MTUS2: variants seen among roughly 807,000 people sequenced by gnomAD.
The protein encoded by MTUS2 is microtubule associated scaffold protein 2.
A neutral mutation model predicts 114.1 loss-of-function variants in MTUS2; 40 were observed. The observed-to-expected ratio is 0.35, with a 90% CI of 0.27 to 0.46. The LOEUF is 0.46. Ranked by LOEUF, MTUS2 falls within the 20% of genes least tolerant of loss-of-function variation. The pLI, the probability that MTUS2 is intolerant of heterozygous loss-of-function variation, is 1.00. For missense variants in MTUS2, 1,679 were observed against 1,705.4 expected (o/e 0.98, Z 0.27); for synonymous variants, 688 against 672.0 (o/e 1.02, Z -0.37).
intron 8 of MTUS2, among the ~76,000 whole-genome samples, chr13:29,389,399 A>T (rs111216590): frequency 1.5e-5 from 1 of 67,982 alleles, no homozygotes; most frequent in Non-Finnish European, 2.8e-5. Context: ...GTGTGTGTAT[A>T]TATGTATACA....
chr13:28,958,567 C>T (rs1403392627), intron 2 of MTUS2, among the ~76,000 whole-genome samples: 1 of 152,204 alleles, frequency 6.6e-6, no homozygotes, highest in Non-Finnish European at 1.5e-5. Flanking sequence ...TGTCTGGTGT[C>T]TCAGGCTGCA....
At position 29,375,626 on chromosome 13, in the gene MTUS2, TATATATATATATACAC is replaced by T. The variant is rs1566163783; in HGVS notation, c.3117+16155_3117+16170del. On this transcript the variant is annotated intron_variant, in intron 8 of 15. Transcript: ENST00000612955. ...ATATATACGTATATATATATATATA[TATATATATATATACAC>T]ACACCATGAAATACCACTCAGCTAT... Among the ~76,000 whole-genome samples the T allele has an allele frequency of 3.0e-4, 2 of 6,682 alleles. 1 individual carries two copies. Among genetic ancestry groups the T allele is most frequent in the African/African-American group, 4.6e-4 (2 of 4,350 alleles). The allele number at this position is 6,682 out of a possible 152,430, so 4.4% of individuals were successfully genotyped here. A position where few individuals can be genotyped will look rare whatever the true frequency, so the allele number is the denominator to read the frequency against.
chr13:28,957,016 A>G (rs1355429699), intron 2 of MTUS2, among the ~76,000 whole-genome samples: 2 of 152,168 alleles, frequency 1.3e-5, no homozygotes, highest in Non-Finnish European at 2.9e-5. Flanking sequence ...GCAGGGACAG[A>G]AGGAAGAAGG....
chr13:29,374,899 C>G (rs1020565249), intron 8 of MTUS2, among the ~76,000 whole-genome samples: 1 of 151,988 alleles, frequency 6.6e-6, no homozygotes, highest in Non-Finnish European at 1.5e-5. Flanking sequence ...GCACTCCAGC[C>G]TGGGTGACAA....
Position 28,942,634 on chromosome 13 carries a change from C to T in MTUS2, c.-242-81823C>T, listed in dbSNP as rs116500988. 8.5e-3 allele frequency among the ~76,000 whole-genome samples: 1,293 copies of T among 152,330 alleles called. 15 individuals carry two copies. Among genetic ancestry groups the T allele is most frequent in the African/African-American group, 0.029 (1,205 of 41,574 alleles). ...TTACAATGGAATCCTATACAGCAAT[C>T]AGTAGAGCTGTTGTTACATGGTGAC... On this transcript the variant is annotated intron_variant, in intron 2 of 15. Coordinates refer to ENST00000612955, the MANE Select transcript of MTUS2 (RefSeq NM_001033602.4).
chr13:29,357,594 G>C (rs1869857524), intron 7 of MTUS2, among the ~76,000 whole-genome samples: 1 of 152,160 alleles, frequency 6.6e-6, no homozygotes, highest in Non-Finnish European at 1.5e-5. Context: ...ACCTTTTCTT[G>C]ATGATGTTTA....
intron 9 of MTUS2, among the ~76,000 whole-genome samples, chr13:29,445,919 A>G (rs1009835193): frequency 1.6e-4 from 24 of 151,776 alleles, no homozygotes; most frequent in East Asian, 5.8e-4. Context: ...AAAAAAAAAA[A>G]AGAGAGAGTT....
intron 8 of MTUS2, among the ~76,000 whole-genome samples, chr13:29,383,217 A>AGTGTGTGTGTGT (rs1297604822): frequency 2.8e-5 from 3 of 105,516 alleles, no homozygotes; most frequent in African/African-American, 3.0e-5. Flanking sequence ...AGGAAAATTG[A>AGTGTGTGTGTGT]GTGTGTGTGT....
chr13:28,846,055 A>AAAT (rs140946282), intron 2 of MTUS2, among the ~76,000 whole-genome samples: 415 of 143,166 alleles, frequency 2.9e-3, no homozygotes, highest in Middle Eastern at 0.015. Flanking sequence ...TTAAAAAAAA[A>AAAT]ATATATATAT....
rs1232966162 is a variant in MTUS2, at chr13:29,025,441, C to A, written c.743C>A (p.Thr248Asn). Residue 248 changes from threonine to asparagine, a missense_variant, in exon 3 of 16, where the codon ACC (threonine) becomes AAC (asparagine). By Grantham distance (65) the Thr-to-Asn change is moderately conservative. Transcript: ENST00000612955. The part of the protein sequence containing the change: ...GKSVRHPKPS[T>N]SESKQSTPSE... Reference sequence around the variant, plus strand: ...AGTGTGCGTCATCCTAAACCATCTACCTCAGAAAGCAAGCAGAGCACTCCC... The same window carrying A: ...AGTGTGCGTCATCCTAAACCATCTAACTCAGAAAGCAAGCAGAGCACTCCC... 1.9e-6 allele frequency: 3 copies of A among 1,612,540 alleles called. No homozygotes were observed. Among genetic ancestry groups the A allele is most frequent in the Non-Finnish European group, 2.5e-6 (3 of 1,179,338 alleles).
intron 2 of MTUS2, among the ~76,000 whole-genome samples, chr13:28,924,108 C>T (rs1881198043): frequency 6.6e-6 from 1 of 152,054 alleles, no homozygotes; most frequent in South Asian, 2.1e-4. Context: ...ACTTCTCTTG[C>T]TTGGTTGAGG....
At chr13:29,129,601 A>G (rs1891669448) in intron 5 of MTUS2, among the ~76,000 whole-genome samples, 1 of 151,826 alleles carries the variant, frequency 6.6e-6, no homozygotes, top group Non-Finnish European at 1.5e-5. Flanking sequence ...TTTATGGGGT[A>G]CGTGTGATGT....
At chr13:29,048,018 G>GT (rs1384506162) in intron 4 of MTUS2, among the ~76,000 whole-genome samples, 14 of 151,962 alleles carry the variant, frequency 9.2e-5, no homozygotes, top group Admixed American at 9.2e-4. Context: ...ATATTCTATT[G>GT]TATGGATTTA....
At chr13:29,256,677 C>T (rs1897293468) in intron 5 of MTUS2, among the ~76,000 whole-genome samples, 1 of 152,328 alleles carries the variant, frequency 6.6e-6, no homozygotes, top group South Asian at 2.1e-4. Context: ...GAGTGTTTGC[C>T]ACTTTGCAAA....
chr13:29,186,172 C>T (rs1214545575), intron 5 of MTUS2, among the ~76,000 whole-genome samples: 4 of 152,208 alleles, frequency 2.6e-5, no homozygotes, highest in Admixed American at 2.6e-4. Context: ...TGTTATCTCA[C>T]CACTGCACTC....
intron 2 of MTUS2, among the ~76,000 whole-genome samples, chr13:28,908,293 C>T (rs1029896286): frequency 6.6e-6 from 1 of 151,458 alleles, no homozygotes; most frequent in African/African-American, 2.4e-5. Flanking sequence ...CCTTCCACCT[C>T]CCCCAACCCC....
At chr13:28,862,425 A>G (rs1877046840) in intron 2 of MTUS2, among the ~76,000 whole-genome samples, 1 of 152,220 alleles carries the variant, frequency 6.6e-6, no homozygotes, top group Non-Finnish European at 1.5e-5. Context: ...AGCCTGGCCA[A>G]TATGGTAAAA....
rs936005050 is a variant in MTUS2 at position 28,829,393 on chromosome 13, A to T, written c.-316+8782A>T. ...GTACAAAAAAAAAAATTAGCCAGGC[A>T]TGGTGGTGTGTGTATGTAATCTCAG... On this transcript the variant is annotated intron_variant, in intron 1 of 15. Transcript: ENST00000612955. Among the ~76,000 whole-genome samples the T allele has an allele frequency of 3.5e-4, 53 of 152,046 alleles. 1 individual carries two copies. Among genetic ancestry groups the T allele is most frequent in the African/African-American group, 1.3e-3 (53 of 41,392 alleles).
At chr13:29,081,596 T>TA (rs1889444142) in intron 4 of MTUS2, among the ~76,000 whole-genome samples, 1 of 146,876 alleles carries the variant, frequency 6.8e-6, no homozygotes. Flanking sequence ...TTGCAGTTTT[T>TA]ACCATTCAAA....
Sources: allele counts gnomAD v4.1 joint callset (sites outside exome capture counted in the v4.1 genomes callset), GRCh38; gene constraint gnomAD v4.1.1; transcripts MANE v1.5; gene names NCBI Gene and HGNC (gene_info 2026-07-23, HGNC 2026-07-21).